The following SPON1 variants were observed in gnomAD, a reference collection of about 807,000 sequenced individuals.
SPON1 encodes the protein spondin 1, also known as spondin-1.
In SPON1, 52 loss-of-function variants were observed where a neutral mutation model predicts 111.7. That is an observed-to-expected ratio of 0.47 (90% CI 0.37 to 0.59). The LOEUF is 0.59. Among genes scored for constraint, SPON1 ranks in the 20% least tolerant of loss-of-function variants. The pLI is 0.00. For synonymous variants in SPON1, 410 were observed against 395.8 expected (o/e 1.04, Z -0.43); for missense variants, 957 against 1,068.5 (o/e 0.90, Z 1.46).
intron 5 of SPON1, among the ~76,000 whole-genome samples, chr11:14,108,246 A>G (rs1849200397): frequency 6.6e-6 from 1 of 152,310 alleles, no homozygotes; most frequent in African/African-American, 2.4e-5. Context: ...ACGATGTATA[A>G]ATGGTTCTTA....
intron 2 of SPON1, among the ~76,000 whole-genome samples, chr11:13,991,218 CATAG>C (rs1848227535): frequency 6.6e-6 from 1 of 152,172 alleles, no homozygotes. Flanking sequence ...ACCCATCAAA[CATAG>C]ATTTGGTCTT....
chr11:14,120,724 G>A (rs1012639465), intron 5 of SPON1, among the ~76,000 whole-genome samples: 4 of 152,066 alleles, frequency 2.6e-5, no homozygotes, highest in Admixed American at 6.6e-5. Flanking sequence ...CTTTCCTAGA[G>A]AAATAAAATA....
intron 3 of SPON1, among the ~76,000 whole-genome samples, chr11:14,052,115 G>A (rs1848711936): frequency 6.6e-6 from 1 of 152,168 alleles, no homozygotes; most frequent in Non-Finnish European, 1.5e-5. Context: ...CTATAACCAG[G>A]GGTTGGAGGT....
chr11:14,088,091 C>T (rs1041909161), intron 5 of SPON1, among the ~76,000 whole-genome samples: 5 of 151,766 alleles, frequency 3.3e-5, no homozygotes, highest in Admixed American at 6.6e-5. Flanking sequence ...CCCAATTTTC[C>T]AGTGTATGTC....
At chr11:14,144,449 G>A (rs1554929095) in intron 6 of SPON1, among the ~76,000 whole-genome samples, 3 of 151,868 alleles carry the variant, frequency 2.0e-5, no homozygotes, top group African/African-American at 4.8e-5. Context: ...GGCCAACATG[G>A]TGAAACCCTG....
At chr11:14,175,765 TG>T (rs1554933018) in intron 6 of SPON1, among the ~76,000 whole-genome samples, 1 of 152,196 alleles carries the variant, frequency 6.6e-6, no homozygotes, top group African/African-American at 2.4e-5. Flanking sequence ...GAGTGGCTTC[TG>T]GCGACCCTGC....
chr11:14,008,084 G>T (rs1478927886), intron 2 of SPON1, among the ~76,000 whole-genome samples: 1 of 152,078 alleles, frequency 6.6e-6, no homozygotes, highest in Non-Finnish European at 1.5e-5. Context: ...TGTATCTGCA[G>T]GTTCTGCATC....
chr11:14,002,324 G>T (rs1412887228), intron 2 of SPON1, among the ~76,000 whole-genome samples: 4 of 152,050 alleles, frequency 2.6e-5, no homozygotes, highest in African/African-American at 9.7e-5. Context: ...GTGCACCTAA[G>T]GGGGTGAGGA....
At chr11:14,098,284 G>C (rs188068256) in intron 5 of SPON1, among the ~76,000 whole-genome samples, 1 of 152,228 alleles carries the variant, frequency 6.6e-6, no homozygotes, top group Non-Finnish European at 1.5e-5. Flanking sequence ...GCGTGAGCCG[G>C]ATGTTGGATT....
At chr11:14,256,299 G>A (rs571860206) in intron 9 of SPON1, among the ~76,000 whole-genome samples, 5 of 152,286 alleles carry the variant, frequency 3.3e-5, no homozygotes, top group African/African-American at 7.2e-5. Flanking sequence ...TCAGCAGTGA[G>A]GCCCAGTGCT....
At chr11:14,176,914 A>T (rs2133885211) in intron 6 of SPON1, among the ~76,000 whole-genome samples, 1 of 152,330 alleles carries the variant, frequency 6.6e-6, no homozygotes, top group South Asian at 2.1e-4. Flanking sequence ...AGAGCCGATT[A>T]TTCAAGACAG....
chr11:14,022,235 C>T (rs879950305), intron 2 of SPON1, among the ~76,000 whole-genome samples: 1 of 152,208 alleles, frequency 6.6e-6, no homozygotes, highest in Non-Finnish European at 1.5e-5. Flanking sequence ...AGAATATCAG[C>T]CAGCTGAGCT....
intron 1 of SPON1, among the ~76,000 whole-genome samples, chr11:13,979,775 A>G (rs1475392422): frequency 6.6e-6 from 1 of 152,176 alleles, no homozygotes; most frequent in Non-Finnish European, 1.5e-5. Context: ...ATTAAAATGT[A>G]AAAAGGTATT....
intron 2 of SPON1, among the ~76,000 whole-genome samples, chr11:14,011,300 C>T (rs141637298): frequency 5.6e-4 from 86 of 152,256 alleles, no homozygotes; most frequent in African/African-American, 1.9e-3. Context: ...CTAGGCATGG[C>T]CCACTATTGT....
At chr11:13,970,226 G>A (rs1554908448) in intron 1 of SPON1, among the ~76,000 whole-genome samples, 1 of 152,160 alleles carries the variant, frequency 6.6e-6, no homozygotes, top group Non-Finnish European at 1.5e-5. Context: ...GAGTTGGGGT[G>A]CAGATAGGAC....
chr11:14,030,920 G>A (rs1848554303), intron 2 of SPON1, among the ~76,000 whole-genome samples: 1 of 152,310 alleles, frequency 6.6e-6, no homozygotes, highest in South Asian at 2.1e-4. Flanking sequence ...GTTCATTACA[G>A]TACTATTCAC....
intron 6 of SPON1, chr11:14,224,850 A>G: frequency 5.8e-6 from 2 of 346,278 alleles, no homozygotes; most frequent in South Asian, 2.6e-5. Flanking sequence ...CAAAGGAAGA[A>G]TTTCAAGAGT....
chr11:14,028,780 T>C (rs1554915655), intron 2 of SPON1, among the ~76,000 whole-genome samples: 1 of 152,178 alleles, frequency 6.6e-6, no homozygotes, highest in Non-Finnish European at 1.5e-5. Flanking sequence ...GGATGTGTAC[T>C]CACAGAGAGT....
At chr11:14,120,742 TTAAAA>T (rs1554926421) in intron 5 of SPON1, among the ~76,000 whole-genome samples, 1 of 152,196 alleles carries the variant, frequency 6.6e-6, no homozygotes, top group East Asian at 1.9e-4. Context: ...ATATTAATAT[TTAAAA>T]TAACCATTAT....
Sources: gnomAD v4.1 joint callset for allele counts (sites outside exome capture counted in the v4.1 genomes callset) on GRCh38, gnomAD v4.1.1 for gene constraint, MANE v1.5 for transcripts, NCBI Gene and HGNC (gene_info 2026-07-23, HGNC 2026-07-21) for gene names.